The following DPP4 variants were observed in gnomAD, a reference collection of about 807,000 sequenced individuals.
The protein encoded by DPP4 is dipeptidyl peptidase 4, also known as ADCP-2.
DPP4 carries 93 observed loss-of-function variants against 122.4 expected under a neutral mutation model. The observed-to-expected ratio is 0.76, with a 90% CI of 0.64 to 0.90. The LOEUF (loss-of-function observed/expected upper bound fraction) is 0.90. Among genes scored for constraint, DPP4 ranks in the 40% least tolerant of loss-of-function variants. The pLI, the probability that DPP4 is intolerant of heterozygous loss-of-function variation, is 0.00. For missense variants in DPP4, 914 were observed against 907.3 expected, an observed-to-expected ratio of 1.01 and a Z score of -0.09; for synonymous variants, 321 against 302.9, an observed-to-expected ratio of 1.06 and a Z score of -0.62.
intron 5 of DPP4, among the ~76,000 whole-genome samples, chr2:162,042,443 G>C (rs1268380000): frequency 6.6e-6 from 1 of 152,174 alleles, no homozygotes; most frequent in Non-Finnish European, 1.5e-5. Context: ...ACTTGGAAGT[G>C]ATAGCACTAA....
intron 2 of DPP4, among the ~76,000 whole-genome samples, chr2:162,055,812 C>T (rs1277324811): frequency 6.6e-6 from 1 of 152,234 alleles, no homozygotes; most frequent in Non-Finnish European, 1.5e-5. Flanking sequence ...AATGTGTCCA[C>T]CTGAAATAGT....
intron 16 of DPP4, among the ~76,000 whole-genome samples, chr2:162,018,285 G>A (rs1471646285): frequency 6.6e-6 from 1 of 152,168 alleles, no homozygotes; most frequent in Non-Finnish European, 1.5e-5. Context: ...CTCGCTGTGT[G>A]ACCACCTGCA....
chr2:161,993,475 A>G (rs1282206180), intron 25 of DPP4, 91 bp from the exon 26 acceptor site: 1 of 891,580 alleles, frequency 1.1e-6, no homozygotes, highest in African/African-American at 1.7e-5. Flanking sequence ...TCTCACGAGC[A>G]TACATGGTAT....
intron 18 of DPP4, among the ~76,000 whole-genome samples, chr2:162,015,014 G>A (rs1342857617): frequency 6.6e-6 from 1 of 152,152 alleles, no homozygotes; most frequent in African/African-American, 2.4e-5. Flanking sequence ...GGAGCAAACT[G>A]TTGCGTACAT....
At chr2:162,072,549 T>C (rs546195116) in intron 2 of DPP4, among the ~76,000 whole-genome samples, 4 of 152,220 alleles carry the variant, frequency 2.6e-5, no homozygotes, top group Non-Finnish European at 5.9e-5. Flanking sequence ...CATTCCTCAG[T>C]TGACTAAATC....
In DPP4 at chr2:161,996,639, A is replaced by G. The variant is rs185652888; in HGVS notation, c.2053-1267T>C. Among the ~76,000 whole-genome samples, 447 of 152,288 alleles carry G rather than the reference A, an allele frequency of 2.9e-3. 1 individual carries two copies. Among genetic ancestry groups the G allele is most frequent in the African/African-American group, 0.01 (426 of 41,554 alleles). On this transcript the variant is annotated intron_variant, in intron 23 of 25. Coordinates refer to ENST00000360534, the MANE Select transcript of DPP4 (RefSeq NM_001935.4). ...CCGCTTATTGGCAGTTTTGCTTTCT[A>G]TGGTTTCAGTTACCTTCAGTATAGT...
chr2:162,014,306 C>T (rs1000837386), intron 19 of DPP4, 90 bp downstream of exon 19: 159 of 1,007,858 alleles, frequency 1.6e-4, no homozygotes, highest in African/African-American at 1.2e-3. Context: ...AGGGAAAGGA[C>T]GCATTTGGCT....
At chr2:162,039,855 A>G (rs57531401) in intron 5 of DPP4, among the ~76,000 whole-genome samples, 4,207 of 152,062 alleles carry the variant, frequency 0.028, 211 homozygotes, top group African/African-American at 0.096. Flanking sequence ...AACACATAAT[A>G]GAAAAAATCA....
chr2:162,069,500 A>G (rs1685048032), intron 2 of DPP4, among the ~76,000 whole-genome samples: 1 of 152,228 alleles, frequency 6.6e-6, no homozygotes. Context: ...GAAGAGAGGC[A>G]GAGATTTCTA....
rs145988663 is a variant in DPP4, at chr2:161,996,574, C to T, written c.2053-1202G>A. ...CTATGCAACTGGAGGTATGCTGCTCCTTGAGCTTTGATTTCTATAAGATTG... is the reference window on the plus strand; with the variant it reads ...CTATGCAACTGGAGGTATGCTGCTCTTTGAGCTTTGATTTCTATAAGATTG... On this transcript the variant is annotated intron_variant, in intron 23 of 25. Coordinates refer to ENST00000360534, the MANE Select transcript of DPP4 (RefSeq NM_001935.4). Among the ~76,000 whole-genome samples the T allele has an allele frequency of 2.0e-3, 300 of 152,210 alleles. 1 individual carries two copies. The highest frequency in any genetic ancestry group is 6.9e-3 in the African/African-American group (286 of 41,532).
intron 14 of DPP4, 139 bp downstream of exon 14, chr2:162,020,090 T>C (rs747825719): frequency 1.5e-6 from 1 of 685,916 alleles, no homozygotes; most frequent in Non-Finnish European, 2.4e-6. Context: ...GGCTTCCGTA[T>C]GTTAAAAAGA....
intron 13 of DPP4, 21 bp from the exon 14 acceptor site, chr2:162,020,317 T>TTTTTTTA: frequency 7.3e-7 from 1 of 1,374,568 alleles, no homozygotes; most frequent in Non-Finnish European, 9.8e-7. Context: ...TTTTTTTTTT[T>TTTTTTTA]CAAAAAAAAA....
At chr2:161,993,581 G>T (rs376106407) in intron 25 of DPP4, among the ~76,000 whole-genome samples, 197 bp from the exon 26 acceptor site, 3 of 152,210 alleles carry the variant, frequency 2.0e-5, no homozygotes, top group African/African-American at 7.2e-5. Flanking sequence ...AGGGCACGTT[G>T]TTCTGTCCTG....
intron 2 of DPP4, among the ~76,000 whole-genome samples, chr2:162,070,275 T>C (rs566431050): frequency 6.6e-6 from 1 of 152,212 alleles, no homozygotes; most frequent in Non-Finnish European, 1.5e-5. Flanking sequence ...TCAAGGAGTT[T>C]TTATTCTTAA....
intron 23 of DPP4, among the ~76,000 whole-genome samples, chr2:162,002,519 A>G (rs141477140): frequency 6.0e-4 from 91 of 152,330 alleles, no homozygotes; most frequent in Non-Finnish European, 1.0e-3. Context: ...TACTGAAAAG[A>G]GTCACTGATC....
chr2:162,073,959 C>G lies in DPP4; in HGVS notation c.6+17G>C, dbSNP rs773526079. On this transcript the variant is annotated intron_variant, in intron 1 of 25. Coordinates refer to ENST00000360534, the MANE Select transcript of DPP4 (RefSeq NM_001935.4). Reference sequence around the variant, plus strand: ...CCCCACAGCTCGCCCCGGGGACGTACGTGGCGCGGCACTCACCTTCATCGT... The same window carrying G: ...CCCCACAGCTCGCCCCGGGGACGTAGGTGGCGCGGCACTCACCTTCATCGT... 2 of 1,611,878 alleles carry G rather than the reference C, an allele frequency of 1.2e-6. No individual in the cohort carries two copies. Among genetic ancestry groups the G allele is most frequent in the South Asian group, 2.2e-5 (2 of 90,766 alleles).
At chr2:161,996,917 T>C (rs1166674163) in intron 23 of DPP4, among the ~76,000 whole-genome samples, 1 of 152,220 alleles carries the variant, frequency 6.6e-6, no homozygotes, top group African/African-American at 2.4e-5. Context: ...TGGGCTACTG[T>C]AACTCCTCTT....
At chr2:162,009,182 A>C in intron 21 of DPP4, 59 bp downstream of exon 21, 1 of 1,542,836 alleles carries the variant, frequency 6.5e-7, no homozygotes, top group Admixed American at 1.7e-5. Flanking sequence ...AGATAAAGTA[A>C]CCTGCTCTGA....
At chr2:162,013,537 T>G (rs1257291295) in intron 19 of DPP4, among the ~76,000 whole-genome samples, 1 of 152,132 alleles carries the variant, frequency 6.6e-6, no homozygotes, top group Admixed American at 6.5e-5. Context: ...TTTTTTTTTC[T>G]CGCTGGTAAC....
Sources: gnomAD v4.1 joint callset for allele counts (sites outside exome capture counted in the v4.1 genomes callset) on GRCh38, gnomAD v4.1.1 for gene constraint, MANE v1.5 for transcripts, NCBI Gene and HGNC (gene_info 2026-07-23, HGNC 2026-07-21) for gene names.